The following PDE4A variants were observed in gnomAD, a reference collection of about 807,000 sequenced individuals.
PDE4A encodes the protein phosphodiesterase 4A.
Under a neutral mutation model 73.9 loss-of-function variants are expected in PDE4A, and 21 were observed. That is an observed-to-expected ratio of 0.28 (90% CI 0.20 to 0.41). The LOEUF (loss-of-function observed/expected upper bound fraction) is 0.41, where lower values mean the gene tolerates loss of function less well. Among genes scored for constraint, PDE4A ranks in the 10% least tolerant of loss-of-function variants. The pLI is 1.00. For missense variants in PDE4A, 958 were observed against 1,211.4 expected (o/e 0.79, Z 3.10); for synonymous variants, 463 against 505.4 (o/e 0.92, Z 1.13).
intron 1 of PDE4A, among the ~76,000 whole-genome samples, chr19:10,429,271 GA>G (rs1292625260): frequency 8.1e-6 from 1 of 122,808 alleles, no homozygotes; most frequent in Non-Finnish European, 1.7e-5. Flanking sequence ...AGGAAAGAAG[GA>G]AGGAAGGAAG....
At chr19:10,454,694 T>G in intron 6 of PDE4A, 135 bp from the exon 7 acceptor site, 2 of 1,483,554 alleles carry the variant, frequency 1.3e-6, no homozygotes, top group East Asian at 2.4e-5. Flanking sequence ...CCAGCAGTCT[T>G]ATAGGGGCTC....
Position 10,459,678 on chromosome 19 carries a change from T to C in PDE4A, c.1284T>C (p.Ala428=). The change falls in exon 10 of 15, where the codon GCT becomes GCC. Residue 428 remains alanine, a synonymous_variant. Coordinates refer to ENST00000380702, the MANE Select transcript of PDE4A (RefSeq NM_001111307.2). ...YMLTLEDHYH[A]DVAYHNSLHA... ...TGACGCTGGAGGATCACTACCACGCTGACGTGGCCTACCATAACAGCCTGC... is the reference window on the plus strand; with the variant it reads ...TGACGCTGGAGGATCACTACCACGCCGACGTGGCCTACCATAACAGCCTGC... The C allele has an allele frequency of 6.2e-7, 1 of 1,614,214 alleles. No homozygotes were observed.
At chr19:10,417,901 G>A (rs1324493658), upstream of PDE4A, 1 of 1,531,270 alleles carries the variant, frequency 6.5e-7, no homozygotes, top group Admixed American at 2.0e-5. Flanking sequence ...GAGGTGGGTT[G>A]GGGAGGCACA....
At position 10,461,103 on chromosome 19, in the gene PDE4A, A is replaced by C. The variant is rs1022986278; in HGVS notation, c.1465A>C (p.Asn489His). 4.3e-6 allele frequency: 7 copies of C among 1,609,386 alleles called. No individual in the cohort carries two copies. Among genetic ancestry groups the C allele is most frequent in the Admixed American group, 3.3e-5 (2 of 59,888 alleles). ...CTCCAACCAGTTCCTCATCAACACC[A>C]GTGAGTGGCCCTCGCCAGGGGCGGG... ...GVSNQFLINTNSELALMYNDE... is the reference protein window; with the variant it reads ...GVSNQFLINTHSELALMYNDE... The change falls in exon 11 of 15, where the codon AAT becomes CAT. Residue 489 changes from asparagine (N) to histidine (H), a missense_variant and splice_region_variant. This residue lies in a region of PDE4A where 570 missense variants were observed against 827.7 expected (regional missense o/e 0.69). Coordinates refer to ENST00000380702, the MANE Select transcript of PDE4A (RefSeq NM_001111307.2).
intron 7 of PDE4A, among the ~76,000 whole-genome samples, chr19:10,457,561 G>A (rs2043191439): frequency 6.6e-6 from 1 of 151,896 alleles, no homozygotes. Flanking sequence ...AGGTTCCCTG[G>A]GTGTTCGGGG....
chr19:10,467,389 G>A lies in PDE4A; in HGVS notation c.2429G>A (p.Ser810Asn). Residue 810 changes from serine (S) to asparagine (N), a missense_variant, in exon 15 of 15, where the codon AGC becomes AAC. Ser to Asn is a conservative substitution (Grantham distance 46). Around this residue, in one of 3 missense-constraint regions of PDE4A, gnomAD observed 243 missense variants for 245.9 expected, o/e 0.99. Coordinates refer to ENST00000380702, the MANE Select transcript of PDE4A (RefSeq NM_001111307.2). The part of the protein sequence containing the change: ...EEFVVAVSHS[S>N]PSALALQSPL... ...TTCGTGGTTGCTGTAAGCCACAGCA[G>A]CCCCTCTGCCCTGGCTCTTCAAAGC... The A allele has an allele frequency of 6.2e-7, 1 of 1,614,144 alleles. No homozygotes were observed. Among genetic ancestry groups the A allele is most frequent in the South Asian group, 1.1e-5 (1 of 91,088 alleles).
intron 1 of PDE4A, chr19:10,427,390 G>A (rs1459379209): frequency 1.7e-6 from 1 of 590,644 alleles, no homozygotes; most frequent in East Asian, 1.4e-4. Flanking sequence ...GTCCTGTGGT[G>A]GGAGTGTGTC....
chr19:10,418,372 C>G (rs2042607714), upstream of PDE4A, among the ~76,000 whole-genome samples: 1 of 152,154 alleles, frequency 6.6e-6, no homozygotes, highest in South Asian at 2.1e-4. Flanking sequence ...AACCAGTTTC[C>G]CAGAGTACTC....
intron 1 of PDE4A, among the ~76,000 whole-genome samples, chr19:10,426,794 G>A (rs1485142362): frequency 1.3e-5 from 2 of 151,812 alleles, no homozygotes; most frequent in East Asian, 3.9e-4. Flanking sequence ...CATGAACCCA[G>A]GAGGCGGAGG....
In PDE4A at chr19:10,424,836, A is replaced by G. The variant is rs1449055690; in HGVS notation, c.320+3752A>G. Among the ~76,000 whole-genome samples, 1 of 152,196 alleles carries G rather than the reference A, an allele frequency of 6.6e-6. No individual in the cohort carries two copies. Among genetic ancestry groups the G allele is most frequent in the Admixed American group, 6.5e-5 (1 of 15,276 alleles). On this transcript the variant is annotated intron_variant, in intron 1 of 14. Coordinates refer to ENST00000380702, the MANE Select transcript of PDE4A (RefSeq NM_001111307.2). The surrounding 1 kb of genome is among the most constrained non-coding windows in gnomAD (Gnocchi z 4.8). ...GCGCGCTTGCCCGGCAGGCCGGTGA[A>G]CCCCAGCATCCTTGGCTCTGCGCTT...
At position 10,424,341 on chromosome 19, in the gene PDE4A, C is replaced by T. The variant is rs2042686757; in HGVS notation, c.320+3257C>T. Among the ~76,000 whole-genome samples the T allele has an allele frequency of 1.3e-5, 2 of 152,216 alleles. No individual in the cohort carries two copies. The highest frequency in any genetic ancestry group is 2.1e-4 in the South Asian group (1 of 4,836). On this transcript the variant is annotated intron_variant, in intron 1 of 14. Coordinates refer to ENST00000380702, the MANE Select transcript of PDE4A (RefSeq NM_001111307.2). The surrounding 1 kb of genome is among the most constrained non-coding windows in gnomAD (Gnocchi z 4.8). ...CATCGAGGTGGGGGCACAGTGTGGC[C>T]CCAGGAGCAGGTGGAGGCAGCCGAG...
At chr19:10,416,972 G>T, upstream of PDE4A, 1 of 1,543,448 alleles carries the variant, frequency 6.5e-7, no homozygotes. Flanking sequence ...CCCTGTCCGT[G>T]GCAGGGACCG....
upstream of PDE4A, chr19:10,416,822 G>T: frequency 6.5e-7 from 1 of 1,528,032 alleles, no homozygotes; most frequent in East Asian, 2.4e-5. Flanking sequence ...CGGGTTCTAG[G>T]CCCGACCGGC....
At chr19:10,449,897 C>A (rs1003211281) in intron 4 of PDE4A, among the ~76,000 whole-genome samples, 2 of 151,474 alleles carry the variant, frequency 1.3e-5, no homozygotes, top group African/African-American at 2.4e-5. Flanking sequence ...AGTTCAGGAC[C>A]AGCCCAGGGG....
chr19:10,421,033 T>C lies in PDE4A; in HGVS notation c.269T>C (p.Phe90Ser), dbSNP rs1221095891. ...RTTRMSWPSS[F>S]HGTGTGSGGA... ...ACCCGCATGTCCTGGCCCTCGTCCT[T>C]CCATGGCACTGGCACCGGCAGCGGC... The change falls in exon 1 of 15, where the codon TTC (phenylalanine) becomes TCC (serine). Residue 90 changes from phenylalanine (F) to serine (S), a missense_variant. Physicochemically the swap from Phe to Ser is radical, Grantham distance 155 (BLOSUM62 -2). This residue lies in a region of PDE4A where 145 missense variants were observed against 137.8 expected (regional missense o/e 1.05). Transcript: ENST00000380702. The C allele has an allele frequency of 2.1e-6, 3 of 1,433,660 alleles. No homozygotes were observed. The African/African-American group carries it at 4.5e-5, about 21-fold the overall frequency. 88.8% of individuals were successfully genotyped at this position (1,433,660 alleles called of 1,614,324 possible).
rs1292541835 is a variant in PDE4A, at chr19:10,424,222, G to A, written c.320+3138G>A. Among the ~76,000 whole-genome samples the A allele has an allele frequency of 1.3e-5, 2 of 152,236 alleles. No individual in the cohort carries two copies. Among genetic ancestry groups the A allele is most frequent in the African/African-American group, 4.8e-5 (2 of 41,456 alleles). On this transcript the variant is annotated intron_variant, in intron 1 of 14. Transcript: ENST00000380702. This position sits in a 1 kb window ranked among gnomAD's most constrained non-coding sequence, Gnocchi z 4.8. The stretch of plus-strand genomic sequence containing the variant: ...GGCAGATGGAGAGGGAGGAAGAGGA[G>A]GACTTTGGTGGTGGGGGTGGGGAGC...
At chr19:10,451,072 C>G (rs114202680) in intron 6 of PDE4A, 131 bp downstream of exon 6, 71,935 of 882,040 alleles carry the variant, frequency 0.082, 3,141 homozygotes, top group African/African-American at 0.12. Flanking sequence ...TTCCTGTGGG[C>G]GGAGATAGCT....
chr19:10,455,946 C>T (rs991546216), intron 7 of PDE4A, among the ~76,000 whole-genome samples: 2 of 151,842 alleles, frequency 1.3e-5, no homozygotes, highest in Admixed American at 6.6e-5. Flanking sequence ...TCTGTGCTTC[C>T]GAGTCCACAA....
Position 10,450,621 on chromosome 19 carries a change from C to T in PDE4A, c.639C>T (p.Gly213=), listed in dbSNP as rs774884334. ...VPSNKRSPLG[G]PTPVCKATLS... ...TCTGCAGGCGGTCCCCGCTGGGCGG[C>T]CCCACCCCTGTCTGCAAGGCCACGC... The change falls in exon 5 of 15, where the codon GGC becomes GGT. Residue 213 remains glycine, a synonymous_variant. Coordinates refer to ENST00000380702, the MANE Select transcript of PDE4A (RefSeq NM_001111307.2). The T allele has an allele frequency of 2.5e-6, 4 of 1,609,498 alleles. No homozygotes were observed. The African/African-American group carries it at 5.3e-5, about 22-fold the overall frequency.
Sources: gnomAD v4.1 joint callset for allele counts (sites outside exome capture counted in the v4.1 genomes callset) on GRCh38, gnomAD v4.1.1 for gene constraint, gnomAD v4.1.1 regional missense constraint, Gnocchi (gnomAD v3.1) non-coding constraint, MANE v1.5 for transcripts, NCBI Gene and HGNC (gene_info 2026-07-23, HGNC 2026-07-21) for gene names.